The following SEC63 variants were observed in gnomAD, a reference collection of about 807,000 sequenced individuals.
The protein encoded by SEC63 is translocation protein SEC63 homolog.
SEC63 carries 56 observed loss-of-function variants against 116.2 expected under a neutral mutation model. The ratio of observed to expected loss-of-function variants is 0.48; its 90% CI spans 0.39 to 0.60. SEC63 has a LOEUF of 0.60. SEC63 is among the 20% of genes least tolerant of loss of function. The pLI is 0.00. For missense variants in SEC63, 668 were observed against 900.0 expected (o/e 0.74, Z 3.30); for synonymous variants, 273 against 294.6 (o/e 0.93, Z 0.75).
At chr6:107,888,504 G>A (rs996353395) in intron 16 of SEC63, among the ~76,000 whole-genome samples, 7 of 152,124 alleles carry the variant, frequency 4.6e-5, no homozygotes, top group African/African-American at 1.4e-4. Context: ...TGAGACGATG[G>A]GGTTTTCTAA....
chr6:107,957,749 C>G, intron 1 of SEC63, 137 bp downstream of exon 1: 2 of 921,228 alleles, frequency 2.2e-6, no homozygotes, highest in Non-Finnish European at 2.8e-6. Flanking sequence ...CAGTGGCGGA[C>G]GCTGGACACA....
intron 1 of SEC63, among the ~76,000 whole-genome samples, chr6:107,952,098 G>C (rs1405312117): frequency 1.3e-5 from 2 of 151,992 alleles, no homozygotes; most frequent in Non-Finnish European, 2.9e-5. Flanking sequence ...TTAATTGTCT[G>C]AAGAAATATT....
In SEC63 at chr6:107,906,433, C is replaced by T. The variant is rs373689989; in HGVS notation, c.961+15G>A. 2.5e-6 allele frequency: 4 copies of T among 1,613,560 alleles called. No homozygotes were observed. The highest frequency in any genetic ancestry group is 2.7e-5 in the African/African-American group (2 of 74,898). On this transcript the variant is annotated intron_variant, in intron 10 of 20. Coordinates refer to ENST00000369002, the MANE Select transcript of SEC63 (RefSeq NM_007214.5). ...CATCCCACTAAACCTCTGTAGATACCGGAATCACAAATACCTTCTTCAAGG... is the reference window on the plus strand; with the variant it reads ...CATCCCACTAAACCTCTGTAGATACTGGAATCACAAATACCTTCTTCAAGG...
At chr6:107,896,562 A>G (rs925874737) in intron 14 of SEC63, among the ~76,000 whole-genome samples, 8 of 152,260 alleles carry the variant, frequency 5.3e-5, no homozygotes, top group African/African-American at 1.9e-4. Flanking sequence ...AAGTGCATAT[A>G]TGTACGTATG....
At chr6:107,923,102 T>A (rs1030518531) in intron 3 of SEC63, among the ~76,000 whole-genome samples, 5 of 152,348 alleles carry the variant, frequency 3.3e-5, no homozygotes, top group South Asian at 2.1e-4. Flanking sequence ...AAAGGCTAGA[T>A]GATCTCTATC....
chr6:107,870,328 A>G lies in SEC63; in HGVS notation c.*1376T>C, dbSNP rs1786101234. ...CATTCATGGTTTTGCTAATTTTCAC[A>G]TTTTATTTCCAACTATTGCAGTAAC... On this transcript the variant is annotated 3_prime_UTR_variant, in exon 21 of 21. Coordinates refer to ENST00000369002, the MANE Select transcript of SEC63 (RefSeq NM_007214.5). 1 of 152,630 alleles carries G rather than the reference A, an allele frequency of 6.6e-6. No homozygotes were observed. The highest frequency in any genetic ancestry group is 1.5e-5 in the Non-Finnish European group (1 of 68,032). The allele number at this position is 152,630 out of a possible 1,614,324, so 9.5% of individuals were successfully genotyped here. A position where few individuals can be genotyped will look rare whatever the true frequency, so the allele number is the denominator to read the frequency against.
chr6:107,953,529 C>T (rs1252193928), intron 1 of SEC63, among the ~76,000 whole-genome samples: 1 of 141,054 alleles, frequency 7.1e-6, no homozygotes, highest in Non-Finnish European at 1.5e-5. Flanking sequence ...GGTGGGGGGT[C>T]AGCCCCCCGC....
chr6:107,951,695 C>T (rs568531807), intron 1 of SEC63, among the ~76,000 whole-genome samples: 16 of 152,084 alleles, frequency 1.1e-4, no homozygotes, highest in Non-Finnish European at 2.2e-4. Context: ...AAAAAGTTCC[C>T]GAAGTGGGCC....
At position 107,904,194 on chromosome 6, in the gene SEC63, G is replaced by A. The variant is rs535818868; in HGVS notation, c.1054+435C>T. Among the ~76,000 whole-genome samples, 16 of 149,584 alleles carry A rather than the reference G, an allele frequency of 1.1e-4. No homozygotes were observed. The South Asian group carries it at 1.9e-3, about 18-fold the overall frequency. ...TGGGAGGCTGAGGCAGGTGGATCAC[G>A]AGGTCAGGAGATGGAGACCATCCTG... On this transcript the variant is annotated intron_variant, in intron 11 of 20. Coordinates refer to ENST00000369002, the MANE Select transcript of SEC63 (RefSeq NM_007214.5).
At chr6:107,917,032 C>A (rs1275646822) in intron 4 of SEC63, among the ~76,000 whole-genome samples, 1 of 152,204 alleles carries the variant, frequency 6.6e-6, no homozygotes, top group Non-Finnish European at 1.5e-5. Flanking sequence ...GGCCCTAACA[C>A]ACGCGCTGGA....
rs564670605 is a variant in SEC63 at position 107,909,082 on chromosome 6, G to A, written c.625-47C>T. 2.0e-4 allele frequency: 258 copies of A among 1,322,164 alleles called. 6 individuals carry two copies. The South Asian group carries it at 2.8e-3, about 14-fold the overall frequency. 81.9% of individuals were successfully genotyped at this position (1,322,164 alleles called of 1,614,324 possible). A position where few individuals can be genotyped will look rare whatever the true frequency, so the allele number is the denominator to read the frequency against. The stretch of plus-strand genomic sequence containing the variant: ...ACAAGAAAGAAAGTATAAAAACTAC[G>A]ATAGGCTGGGCGAGATGGCTCATTC... On this transcript the variant is annotated intron_variant, in intron 7 of 20. Transcript: ENST00000369002.
chr6:107,906,614 CT>C lies in SEC63; in HGVS notation c.829-35del, dbSNP rs746561403. 3.7e-6 allele frequency: 6 copies of C among 1,608,012 alleles called. No individual in the cohort carries two copies. In the African/African-American group the frequency reaches 5.4e-5, roughly 14 times the overall value. ...AATAAAATAATTATTCAAAAACACG[CT>C]TTTTTTAAAAAAAGTATTCACTTTA... On this transcript the variant is annotated intron_variant, in intron 9 of 20. Transcript: ENST00000369002.
At chr6:107,913,617 C>T (rs1787335026) in intron 4 of SEC63, among the ~76,000 whole-genome samples, 190 bp from the exon 5 acceptor site, 1 of 152,118 alleles carries the variant, frequency 6.6e-6, no homozygotes, top group South Asian at 2.1e-4. Flanking sequence ...ACAGAAAATG[C>T]TAACTATTGC....
intron 10 of SEC63, among the ~76,000 whole-genome samples, chr6:107,905,854 G>A (rs1023483756): frequency 1.7e-5 from 1 of 58,176 alleles, no homozygotes; most frequent in African/African-American, 3.7e-5. Context: ...TTGCCAAAAC[G>A]TCTGACTTAC....
At chr6:107,906,079 G>A (rs1023516410) in intron 10 of SEC63, among the ~76,000 whole-genome samples, 1 of 152,114 alleles carries the variant, frequency 6.6e-6, no homozygotes, top group African/African-American at 2.4e-5. Context: ...GGATCAGGGG[G>A]GTGGAGTTCT....
intron 1 of SEC63, among the ~76,000 whole-genome samples, chr6:107,940,737 A>C (rs1358027315): frequency 6.6e-6 from 1 of 151,994 alleles, no homozygotes; most frequent in Non-Finnish European, 1.5e-5. Context: ...AAGTTGGCAG[A>C]ATAAATGGAT....
intron 3 of SEC63, 21 bp from the exon 4 acceptor site, chr6:107,921,930 AAAACAAGCTTTCTGTTAGC>A: frequency 7.2e-7 from 1 of 1,384,816 alleles, no homozygotes; most frequent in Non-Finnish European, 1.0e-6. Context: ...ACAAAAAAAA[AAAACAAGCTTTCTGTTAGC>A]AAAAATAAGC....
At position 107,897,687 on chromosome 6, in the gene SEC63, C is replaced by T. The variant is rs375008084; in HGVS notation, c.1402G>A (p.Val468Ile). The change falls in exon 14 of 21, where the codon GTT becomes ATT. Residue 468 changes from valine to isoleucine, a missense_variant. Val to Ile is a conservative substitution (Grantham distance 29). Coordinates refer to ENST00000369002, the MANE Select transcript of SEC63 (RefSeq NM_007214.5). ...CTTGTCAACTTAACCAACACTGTAA[C>T]TAAGGATCCTACTGTGATGTTGTTG... ...DSNNITVGSL[V>I]TVLVKLTRQT... The T allele has an allele frequency of 1.9e-6, 3 of 1,610,658 alleles. No homozygotes were observed. The highest frequency in any genetic ancestry group is 1.3e-5 in the African/African-American group (1 of 74,796).
intron 4 of SEC63, among the ~76,000 whole-genome samples, chr6:107,920,931 A>C (rs1787541546): frequency 6.6e-6 from 1 of 152,202 alleles, no homozygotes; most frequent in Non-Finnish European, 1.5e-5. Flanking sequence ...CACCTTACCT[A>C]AGGCATAAGA....
Sources: gnomAD v4.1 joint callset for allele counts (sites outside exome capture counted in the v4.1 genomes callset) on GRCh38, gnomAD v4.1.1 for gene constraint, MANE v1.5 for transcripts, NCBI Gene and HGNC (gene_info 2026-07-23, HGNC 2026-07-21) for gene names.